C1orf141: variants seen among roughly 807,000 people sequenced by gnomAD.
The protein encoded by C1orf141 is uncharacterized protein C1orf141.
Under a neutral mutation model 23.2 loss-of-function variants are expected in C1orf141, and 19 were observed. The ratio of observed to expected loss-of-function variants is 0.82; its 90% CI spans 0.57 to 1.20. The LOEUF (loss-of-function observed/expected upper bound fraction) is 1.20. Among genes scored for constraint, C1orf141 ranks in the 50% most tolerant of loss-of-function variants. The pLI is 0.00. For missense variants in C1orf141, 469 were observed against 455.1 expected, an observed-to-expected ratio of 1.03 and a Z score of -0.28; for synonymous variants, 153 against 154.6, an observed-to-expected ratio of 0.99 and a Z score of 0.08.
At chr1:67,127,627 G>A (rs1646441028) in intron 2 of C1orf141, among the ~76,000 whole-genome samples, 1 of 151,884 alleles carries the variant, frequency 6.6e-6, no homozygotes, top group African/African-American at 2.4e-5. Flanking sequence ...CTAGGAGTAG[G>A]ACTTAATTTT....
At position 67,115,462 on chromosome 1, in the gene C1orf141, T is replaced by G. The variant is rs756613626; in HGVS notation, c.236A>C (p.His79Pro). 6.5e-6 allele frequency: 8 copies of G among 1,225,952 alleles called. No individual in the cohort carries two copies. In the South Asian group the frequency reaches 1.2e-4, roughly 18 times the overall value. 75.9% of individuals were successfully genotyped at this position (1,225,952 alleles called of 1,614,324 possible). The change falls in exon 5 of 8, where the codon CAT (histidine) becomes CCT (proline). Residue 79 changes from histidine to proline, a missense_variant and splice_region_variant. His to Pro is a moderately conservative substitution (Grantham distance 77). Coordinates refer to ENST00000684719, the MANE Select transcript of C1orf141 (RefSeq NM_001276351.2). ...TTCAGGCTCACATTTGAAAGAGACA[T>G]GCCTGGAAGAAATAAAAATTAATTT... ...KSCSITKSKMHVSFKCEPEPR... is the reference protein window; with the variant it reads ...KSCSITKSKMPVSFKCEPEPR...
intron 4 of C1orf141, among the ~76,000 whole-genome samples, chr1:67,116,285 C>A (rs1289089039): frequency 1.6e-4 from 24 of 152,164 alleles, no homozygotes; most frequent in Admixed American, 1.6e-3. Context: ...TTGCAGAAAT[C>A]TTTTATTTCT....
chr1:67,135,312 A>G (rs1010821452), upstream of C1orf141, among the ~76,000 whole-genome samples: 1 of 152,250 alleles, frequency 6.6e-6, no homozygotes, highest in Non-Finnish European at 1.5e-5. Context: ...AAAGTCCACC[A>G]TACAGCTTGC....
rs754193986 is a variant in C1orf141 at position 67,093,565 on chromosome 1, C to T, written c.643G>A (p.Glu215Lys). The change falls in exon 8 of 8, where the codon GAA (glutamate) becomes AAA (lysine). Residue 215 changes from glutamate (E) to lysine (K), a missense_variant. Transcript: ENST00000684719. Reference protein sequence around the residue: ...DTNPIIFHDTEYVRMLLLTKN... With the variant: ...DTNPIIFHDTKYVRMLLLTKN... Reference sequence around the variant, plus strand: ...GTCAAAAGTAACATTCGTACATATTCTGTGTCATGGAAAATTATGGGATTT... The same window carrying T: ...GTCAAAAGTAACATTCGTACATATTTTGTGTCATGGAAAATTATGGGATTT... 1 of 1,581,740 alleles carries T rather than the reference C, an allele frequency of 6.3e-7. No homozygotes were observed. Among genetic ancestry groups the T allele is most frequent in the South Asian group, 1.2e-5 (1 of 84,880 alleles).
intron 4 of C1orf141, among the ~76,000 whole-genome samples, chr1:67,116,727 T>C (rs1646199941): frequency 6.6e-6 from 1 of 152,076 alleles, no homozygotes; most frequent in Admixed American, 6.6e-5. Flanking sequence ...TTTCTACCTG[T>C]TTGGTTCAGG....
At chr1:67,116,187 A>G (rs1646189985) in intron 4 of C1orf141, among the ~76,000 whole-genome samples, 1 of 152,140 alleles carries the variant, frequency 6.6e-6, no homozygotes, top group Non-Finnish European at 1.5e-5. Flanking sequence ...ATTCAAAACC[A>G]AATTATTGAT....
chr1:67,106,447 G>A (rs1645928989), intron 5 of C1orf141, among the ~76,000 whole-genome samples: 1 of 151,994 alleles, frequency 6.6e-6, no homozygotes, highest in South Asian at 2.1e-4. Flanking sequence ...AGGAGTTCGA[G>A]ACCAGCCTGG....
intron 5 of C1orf141, among the ~76,000 whole-genome samples, chr1:67,110,653 A>G (rs943232777): frequency 1.3e-5 from 2 of 151,934 alleles, no homozygotes; most frequent in Admixed American, 6.5e-5. Flanking sequence ...TTTTTAAAAA[A>G]CTAAAATTTT....
intron 6 of C1orf141, 40 bp from the exon 7 acceptor site, chr1:67,095,461 G>T: frequency 2.6e-6 from 3 of 1,173,004 alleles, no homozygotes; most frequent in Admixed American, 3.1e-5. Flanking sequence ...TCATGGGGCT[G>T]ATTACAGCTT....
chr1:67,137,350 G>T (rs963402441), upstream of C1orf141, among the ~76,000 whole-genome samples: 2 of 152,194 alleles, frequency 1.3e-5, no homozygotes, highest in African/African-American at 4.8e-5. Context: ...AGCTTTTATT[G>T]TCCTCTTCCT....
At chr1:67,104,745 A>T (rs1645882340) in intron 5 of C1orf141, among the ~76,000 whole-genome samples, 1 of 152,218 alleles carries the variant, frequency 6.6e-6, no homozygotes, top group Non-Finnish European at 1.5e-5. Flanking sequence ...GTCTGGAAAA[A>T]TAAAGAAGCT....
rs1253331554 is a variant in C1orf141 at position 67,093,202 on chromosome 1, C to T, written c.1006G>A (p.Val336Ile). The change falls in exon 8 of 8, where the codon GTT becomes ATT. Residue 336 changes from valine to isoleucine, a missense_variant. Around this residue, in one of 3 missense-constraint regions of C1orf141, gnomAD observed 370 missense variants for 348.1 expected, o/e 1.06. Transcript: ENST00000684719. Reference protein sequence around the residue: ...KQFVGYLDKAVIHEMSAQTGK... With the variant: ...KQFVGYLDKAIIHEMSAQTGK... ...GTTTGGGCACTCATTTCATGAATAACAGCTTTATCAAGGTAACCCACAAAT... is the reference window on the plus strand; with the variant it reads ...GTTTGGGCACTCATTTCATGAATAATAGCTTTATCAAGGTAACCCACAAAT... 4 of 1,613,868 alleles carry T rather than the reference C, an allele frequency of 2.5e-6. No homozygotes were observed. The highest frequency in any genetic ancestry group is 3.4e-6 in the Non-Finnish European group (4 of 1,179,836).
chr1:67,127,211 A>C lies in C1orf141; in HGVS notation c.30T>G (p.Asp10Glu). 1 of 1,609,492 alleles carries C rather than the reference A, an allele frequency of 6.2e-7. No homozygotes were observed. The highest frequency in any genetic ancestry group is 1.1e-5 in the South Asian group (1 of 90,128). ...TTATCTCTGCTTGCTTATCAAGGAC[A>C]TCCAACTTCTCTAGGATTTTTTCTG... MAEKILEKL[D>E]VLDKQAEIIL... Residue 10 changes from aspartate (D) to glutamate (E), a missense_variant, in exon 3 of 8, where the codon GAT (aspartate) becomes GAG (glutamate). By Grantham distance (45) the Asp-to-Glu change is conservative (BLOSUM62 2). Transcript: ENST00000684719.
chr1:67,110,484 T>C (rs894727621), intron 5 of C1orf141, among the ~76,000 whole-genome samples: 1 of 152,046 alleles, frequency 6.6e-6, no homozygotes, highest in Non-Finnish European at 1.5e-5. Context: ...TCTTTAGAAA[T>C]ATGGAGTTAA....
At chr1:67,121,676 G>A (rs1047108314) in intron 4 of C1orf141, 1 of 151,990 alleles carries the variant, frequency 6.6e-6, no homozygotes, top group South Asian at 2.1e-4. Context: ...ATTTTTAATG[G>A]TGAGTGTTTA....
At chr1:67,129,651 G>C (rs1414098493) in intron 2 of C1orf141, among the ~76,000 whole-genome samples, 1 of 152,182 alleles carries the variant, frequency 6.6e-6, no homozygotes, top group African/African-American at 2.4e-5. Context: ...GCCAGGGTAA[G>C]AGAAAACACT....
At position 67,095,269 on chromosome 1, in the gene C1orf141, T is replaced by C; in HGVS notation, c.569A>G (p.Asn190Ser). The C allele has an allele frequency of 6.3e-7, 1 of 1,597,656 alleles. No individual in the cohort carries two copies. The highest frequency in any genetic ancestry group is 2.2e-5 in the East Asian group (1 of 44,808). The part of the protein sequence containing the change: ...ELKNPHAKIV[N>S]VSPTKTVTSH... Reference sequence around the variant, plus strand: ...AGTTACTGTCTTTGTTGGACTAACGTTGACTATCTTGGCATGTGGATTTTT... The same window carrying C: ...AGTTACTGTCTTTGTTGGACTAACGCTGACTATCTTGGCATGTGGATTTTT... The change falls in exon 7 of 8, where the codon AAC becomes AGC. Residue 190 changes from asparagine (N) to serine (S), a missense_variant. Coordinates refer to ENST00000684719, the MANE Select transcript of C1orf141 (RefSeq NM_001276351.2).
At chr1:67,121,683 T>C (rs1033859951) in intron 4 of C1orf141, 1 of 152,240 alleles carries the variant, frequency 6.6e-6, no homozygotes, top group Admixed American at 6.5e-5. Context: ...ATGGTGAGTG[T>C]TTAATAAACA....
chr1:67,135,910 A>ACTG (rs1646581443), upstream of C1orf141, among the ~76,000 whole-genome samples: 1 of 150,200 alleles, frequency 6.7e-6, no homozygotes, highest in Non-Finnish European at 1.5e-5. Context: ...AAACTGCAAA[A>ACTG]AAAAAAAAAA....
Sources: allele counts gnomAD v4.1 joint callset (sites outside exome capture counted in the v4.1 genomes callset), GRCh38; gene constraint gnomAD v4.1.1; regional missense constraint gnomAD v4.1.1; transcripts MANE v1.5; gene names NCBI Gene and HGNC (gene_info 2026-07-23, HGNC 2026-07-21).